The following TAFA5 variants were observed in gnomAD, a reference collection of about 807,000 sequenced individuals.
TAFA5 encodes the protein chemokine-like protein TAFA-5.
TAFA5 carries 6 observed loss-of-function variants against 15.3 expected under a neutral mutation model. The observed-to-expected ratio is 0.39, with a 90% CI of 0.21 to 0.77. The LOEUF (loss-of-function observed/expected upper bound fraction) is 0.77. Ranked by LOEUF, TAFA5 falls within the 30% of genes least tolerant of loss-of-function variation. The probability of loss-of-function intolerance (pLI) is 0.41; values close to 1 mark genes in which losing one functional copy is unlikely to be tolerated. For synonymous variants in TAFA5, 103 were observed against 80.7 expected (o/e 1.28, Z -1.48); for missense variants, 161 against 193.1 (o/e 0.83, Z 0.98).
intron 2 of TAFA5, among the ~76,000 whole-genome samples, chr22:48,686,463 G>A (rs1479541227): frequency 2.6e-5 from 4 of 152,190 alleles, no homozygotes; most frequent in Non-Finnish European, 5.9e-5. Context: ...TCACTCATGA[G>A]GGCTCCACTC....
intron 1 of TAFA5, among the ~76,000 whole-genome samples, chr22:48,631,774 A>G (rs1459978852): frequency 6.6e-6 from 1 of 152,162 alleles, no homozygotes. Flanking sequence ...GACATTTGCT[A>G]GACATCGCGG....
chr22:48,738,486 TC>T (rs1255058525), intron 3 of TAFA5, among the ~76,000 whole-genome samples: 1 of 152,008 alleles, frequency 6.6e-6, no homozygotes, highest in Non-Finnish European at 1.5e-5. Flanking sequence ...CTCCTGAGTC[TC>T]ATCTCGCTGC....
At chr22:48,741,825 G>C (rs1008810317) in intron 3 of TAFA5, among the ~76,000 whole-genome samples, 1 of 152,216 alleles carries the variant, frequency 6.6e-6, no homozygotes, top group African/African-American at 2.4e-5. Context: ...GGGGTACCTG[G>C]TTACAGCAGC....
In TAFA5 at chr22:48,744,726, C is replaced by T. The variant is rs148378929; in HGVS notation, c.391-5113C>T. Among the ~76,000 whole-genome samples, 404 of 152,312 alleles carry T rather than the reference C, an allele frequency of 2.7e-3. 1 individual carries two copies. The highest frequency in any genetic ancestry group is 9.4e-3 in the African/African-American group (392 of 41,580). The stretch of plus-strand genomic sequence containing the variant: ...CATCTTTTTCTCTGTGCTTCCGCAG[C>T]CCTGGGAGGCAGGGGGCGGGTTCCT... On this transcript the variant is annotated intron_variant, in intron 3 of 3. Transcript: ENST00000402357.
At chr22:48,644,306 C>T (rs1926787366) in intron 1 of TAFA5, among the ~76,000 whole-genome samples, 1 of 152,180 alleles carries the variant, frequency 6.6e-6, no homozygotes, top group African/African-American at 2.4e-5. Context: ...GGGGAGGCCC[C>T]TGCTGCCCCA....
intron 1 of TAFA5, among the ~76,000 whole-genome samples, chr22:48,581,746 T>C (rs1924052574): frequency 6.6e-6 from 1 of 152,188 alleles, no homozygotes; most frequent in South Asian, 2.1e-4. Flanking sequence ...GGTGTTCATA[T>C]CATTGTGTGT....
chr22:48,524,134 C>G (rs978356992), intron 1 of TAFA5, among the ~76,000 whole-genome samples: 1 of 152,246 alleles, frequency 6.6e-6, no homozygotes, highest in South Asian at 2.1e-4. Flanking sequence ...TTTCTCTCCT[C>G]CCTCCCGTCT....
intron 2 of TAFA5, among the ~76,000 whole-genome samples, chr22:48,656,304 T>C (rs1312012293): frequency 6.6e-6 from 1 of 151,764 alleles, no homozygotes; most frequent in Non-Finnish European, 1.5e-5. Flanking sequence ...AAAACGAAAT[T>C]ACCATCCTGG....
rs553769696 is a variant in TAFA5, at chr22:48,714,884, C to T, written c.390+7040C>T. On this transcript the variant is annotated intron_variant, in intron 3 of 3. Transcript: ENST00000402357. Reference sequence around the variant, plus strand: ...GAGGCCCCTCTTTTGCCTCTCATAGCTTCTGGTGACCCCAGGTGTTCCTTG... The same window carrying T: ...GAGGCCCCTCTTTTGCCTCTCATAGTTTCTGGTGACCCCAGGTGTTCCTTG... Among the ~76,000 whole-genome samples the T allele has an allele frequency of 2.6e-5, 4 of 152,334 alleles. No homozygotes were observed. In the South Asian group the frequency reaches 8.3e-4, roughly 32 times the overall value.
chr22:48,532,279 A>G (rs923603079), intron 1 of TAFA5, among the ~76,000 whole-genome samples: 3 of 152,208 alleles, frequency 2.0e-5, no homozygotes, highest in Non-Finnish European at 4.4e-5. Context: ...CGGAGGCCGC[A>G]CGTCTAATCT....
At chr22:48,625,191 T>G (rs1925985864) in intron 1 of TAFA5, among the ~76,000 whole-genome samples, 1 of 151,850 alleles carries the variant, frequency 6.6e-6, no homozygotes, top group Admixed American at 6.6e-5. Flanking sequence ...TAATGGAGTG[T>G]CATTCATTGT....
In TAFA5 at chr22:48,506,055, C is replaced by T. The variant is rs568988472; in HGVS notation, c.112+16351C>T. Among the ~76,000 whole-genome samples the T allele has an allele frequency of 5.3e-5, 8 of 152,244 alleles. No homozygotes were observed. In the South Asian group the frequency reaches 1.7e-3, roughly 32 times the overall value. Reference sequence around the variant, plus strand: ...CCTTTCTTGGGAGCAGGTTTGTGCACCCCAGGCCAGCTGAGGTCGCCCTTC... The same window carrying T: ...CCTTTCTTGGGAGCAGGTTTGTGCATCCCAGGCCAGCTGAGGTCGCCCTTC... On this transcript the variant is annotated intron_variant, in intron 1 of 3. Coordinates refer to ENST00000402357, the MANE Select transcript of TAFA5 (RefSeq NM_001082967.3).
At chr22:48,602,765 A>G (rs926113996) in intron 1 of TAFA5, among the ~76,000 whole-genome samples, 6 of 151,974 alleles carry the variant, frequency 3.9e-5, no homozygotes, top group African/African-American at 1.5e-4. Flanking sequence ...TCCAGTGAAC[A>G]CCTGGTGAAG....
rs527346369 is a variant in TAFA5, at chr22:48,581,093, A to G, written c.113-65504A>G. On this transcript the variant is annotated intron_variant, in intron 1 of 3. Coordinates refer to ENST00000402357, the MANE Select transcript of TAFA5 (RefSeq NM_001082967.3). ...ACCAACTCTTTTATCATCATTTACT[A>G]TCATTTCTTGTGTGACACAGAATCT... Among the ~76,000 whole-genome samples the G allele has an allele frequency of 1.4e-4, 22 of 152,358 alleles. No individual in the cohort carries two copies. In the South Asian group the frequency reaches 4.1e-3, roughly 29 times the overall value.
At chr22:48,638,405 G>A (rs1306065550) in intron 1 of TAFA5, among the ~76,000 whole-genome samples, 34 of 94,056 alleles carry the variant, frequency 3.6e-4, no homozygotes, top group African/African-American at 9.1e-4. Flanking sequence ...GGGGGACCCC[G>A]ACACTAAGCC....
chr22:48,724,673 G>A (rs113456797), intron 3 of TAFA5, among the ~76,000 whole-genome samples: 8,415 of 152,322 alleles, frequency 0.055, 618 homozygotes, highest in African/African-American at 0.17. Context: ...GTGGAAGCCC[G>A]TGCCTTATCC....
At chr22:48,599,163 C>A (rs934251912) in intron 1 of TAFA5, among the ~76,000 whole-genome samples, 4 of 152,138 alleles carry the variant, frequency 2.6e-5, no homozygotes, top group African/African-American at 7.2e-5. Context: ...TGATTAAATC[C>A]TTGGGTATTG....
chr22:48,602,253 T>G lies in TAFA5; in HGVS notation c.113-44344T>G, dbSNP rs192023746. Among the ~76,000 whole-genome samples the G allele has an allele frequency of 1.2e-3, 176 of 152,314 alleles. 1 individual carries two copies. Among genetic ancestry groups the G allele is most frequent in the African/African-American group, 4.1e-3 (171 of 41,576 alleles). ...CATGGGGGATGGAAATGGGAGGAGA[T>G]GGCCCAGAGGAATGTACAGGCACCC... On this transcript the variant is annotated intron_variant, in intron 1 of 3. Transcript: ENST00000402357.
chr22:48,641,528 C>T (rs972156250), intron 1 of TAFA5, among the ~76,000 whole-genome samples: 3 of 151,890 alleles, frequency 2.0e-5, no homozygotes, highest in East Asian at 2.0e-4. Context: ...GCTGCCCCTC[C>T]CCACTGCACT....
Sources: gnomAD v4.1 joint callset for allele counts (sites outside exome capture counted in the v4.1 genomes callset) on GRCh38, gnomAD v4.1.1 for gene constraint, MANE v1.5 for transcripts, NCBI Gene and HGNC (gene_info 2026-07-23, HGNC 2026-07-21) for gene names.